Variants in PCSK5 observed in about 807,000 individuals in gnomAD.
The protein encoded by PCSK5 is prohormone convertase 5.
Under a neutral mutation model 233.2 loss-of-function variants are expected in PCSK5, and 129 were observed. The ratio of observed to expected loss-of-function variants is 0.55; its 90% CI spans 0.48 to 0.64. PCSK5 has a LOEUF of 0.64. Among genes scored for constraint, PCSK5 ranks in the 30% least tolerant of loss-of-function variants. PCSK5 has a pLI of 0.00. For synonymous variants in PCSK5, 825 were observed against 879.2 expected (o/e 0.94, Z 1.09); for missense variants, 2,076 against 2,430.1 (o/e 0.85, Z 3.06).
chr9:76,345,759 G>A (rs564096097), intron 35 of PCSK5, among the ~76,000 whole-genome samples: 5 of 151,660 alleles, frequency 3.3e-5, no homozygotes, highest in African/African-American at 4.8e-5. Flanking sequence ...TCGCTTTGTT[G>A]CCCAGGCTTG....
intron 5 of PCSK5, among the ~76,000 whole-genome samples, chr9:76,046,559 CTTTTTT>C (rs553542037): frequency 7.6e-5 from 8 of 104,820 alleles, no homozygotes; most frequent in Middle Eastern, 8.6e-3. Flanking sequence ...CTTTCTTTTT[CTTTTTT>C]TTTTTTTTTT....
At chr9:75,944,549 ACTTGTTTCT>A (rs1161897716) in intron 2 of PCSK5, among the ~76,000 whole-genome samples, 1 of 151,954 alleles carries the variant, frequency 6.6e-6, no homozygotes, top group Non-Finnish European at 1.5e-5. Flanking sequence ...GAAAAAGTTG[ACTTGTTTCT>A]TGAGAGCACT....
intron 36 of PCSK5, 33 bp from the exon 37 acceptor site, chr9:76,354,000 A>C (rs1378410825): frequency 6.5e-7 from 1 of 1,537,038 alleles, no homozygotes. Flanking sequence ...ATCCCTTTAC[A>C]CTCAAAAGGA....
intron 1 of PCSK5, among the ~76,000 whole-genome samples, chr9:75,899,103 G>A (rs1312868877): frequency 1.3e-5 from 2 of 152,144 alleles, no homozygotes; most frequent in African/African-American, 4.8e-5. Context: ...ATTCAATAGG[G>A]CTTGGTAACT....
At chr9:75,920,391 C>T (rs766753249) in intron 1 of PCSK5, among the ~76,000 whole-genome samples, 1 of 152,072 alleles carries the variant, frequency 6.6e-6, no homozygotes, top group Non-Finnish European at 1.5e-5. Context: ...TGGGCTCAAG[C>T]GATCCTCCTG....
intron 2 of PCSK5, among the ~76,000 whole-genome samples, chr9:75,962,622 G>A (rs1164864941): frequency 1.3e-5 from 2 of 152,216 alleles, no homozygotes; most frequent in African/African-American, 4.8e-5. Context: ...GAGGCAGGCT[G>A]AAGTAGACAC....
intron 24 of PCSK5, among the ~76,000 whole-genome samples, chr9:76,248,705 C>T (rs1182624646): frequency 1.3e-5 from 2 of 152,222 alleles, no homozygotes; most frequent in Non-Finnish European, 2.9e-5. Flanking sequence ...CATAACATCA[C>T]TATTATCAGT....
intron 1 of PCSK5, among the ~76,000 whole-genome samples, chr9:75,902,422 G>C (rs1219757584): frequency 6.6e-6 from 1 of 152,076 alleles, no homozygotes; most frequent in Non-Finnish European, 1.5e-5. Context: ...CAATGGAATA[G>C]GGTGGCCATA....
At chr9:75,903,558 A>G (rs13439948) in intron 1 of PCSK5, among the ~76,000 whole-genome samples, 57 of 66,058 alleles carry the variant, frequency 8.6e-4, no homozygotes, top group African/African-American at 6.2e-3. Context: ...GCATGTGTGT[A>G]TATATGTGTG....
intron 5 of PCSK5, among the ~76,000 whole-genome samples, chr9:76,063,104 A>G (rs979518594): frequency 2.6e-5 from 4 of 151,712 alleles, no homozygotes; most frequent in South Asian, 4.2e-4. Context: ...GGTTCCATCC[A>G]TGCTGAGAAT....
chr9:76,171,894 C>G (rs1249541840), intron 13 of PCSK5, among the ~76,000 whole-genome samples: 2 of 152,060 alleles, frequency 1.3e-5, no homozygotes, highest in Non-Finnish European at 2.9e-5. Context: ...GGATTAGTTA[C>G]ACCTTTAGTA....
chr9:75,994,400 C>CTTTTTTTTTTTTTTTTT (rs550518074), intron 3 of PCSK5, among the ~76,000 whole-genome samples: 32 of 82,050 alleles, frequency 3.9e-4, no homozygotes, highest in Non-Finnish European at 4.7e-4. Context: ...TTCTTTCTTT[C>CTTTTTTTTTTTTTTTTT]TTTTTTTTTT....
chr9:76,125,899 A>C (rs1322487409), intron 9 of PCSK5, among the ~76,000 whole-genome samples: 1 of 152,208 alleles, frequency 6.6e-6, no homozygotes, highest in African/African-American at 2.4e-5. Context: ...AAAATGATGC[A>C]GGACTAGCAA....
At chr9:76,168,727 T>C (rs976756339) in intron 12 of PCSK5, among the ~76,000 whole-genome samples, 2 of 152,206 alleles carry the variant, frequency 1.3e-5, no homozygotes, top group Non-Finnish European at 2.9e-5. Context: ...AAGCATAATT[T>C]ACCTACAATG....
chr9:75,914,036 G>T (rs1462918014), intron 1 of PCSK5, among the ~76,000 whole-genome samples: 3 of 152,094 alleles, frequency 2.0e-5, no homozygotes, highest in African/African-American at 4.8e-5. Context: ...TAAATGATTT[G>T]TAGTTTTCTA....
rs143708886 is a variant in PCSK5, at chr9:76,054,308, G to A, written c.633-13647G>A. Among the ~76,000 whole-genome samples, 21 of 152,278 alleles carry A rather than the reference G, an allele frequency of 1.4e-4. No individual in the cohort carries two copies. In the East Asian group the frequency reaches 4.1e-3, roughly 29 times the overall value. On this transcript the variant is annotated intron_variant, in intron 5 of 37. Coordinates refer to ENST00000674117, the MANE Select transcript of PCSK5 (RefSeq NM_001372043.1). Reference sequence around the variant, plus strand: ...CATCATTCCTTGCAACATTATATTTGAGAAGACAACCAAAGTGAGGTGAAG... The same window carrying A: ...CATCATTCCTTGCAACATTATATTTAAGAAGACAACCAAAGTGAGGTGAAG...
intron 7 of PCSK5, among the ~76,000 whole-genome samples, chr9:76,095,515 TA>T (rs1445493622): frequency 5.3e-5 from 8 of 152,020 alleles, no homozygotes; most frequent in Non-Finnish European, 7.4e-5. Context: ...AACTTCCTTT[TA>T]AAAAAAAATT....
At chr9:76,240,955 G>A (rs1826411329) in intron 24 of PCSK5, among the ~76,000 whole-genome samples, 1 of 152,230 alleles carries the variant, frequency 6.6e-6, no homozygotes, top group Non-Finnish European at 1.5e-5. Context: ...TCAATGAGTT[G>A]TTGGGGCTTA....
chr9:76,064,205 C>G (rs1447567147), intron 5 of PCSK5, among the ~76,000 whole-genome samples: 15 of 109,854 alleles, frequency 1.4e-4, no homozygotes, highest in Admixed American at 5.8e-4. Flanking sequence ...ACCTCCCTCC[C>G]GGACGGGGCG....
Sources: allele counts gnomAD v4.1 joint callset (sites outside exome capture counted in the v4.1 genomes callset), GRCh38; gene constraint gnomAD v4.1.1; transcripts MANE v1.5; gene names NCBI Gene and HGNC (gene_info 2026-07-23, HGNC 2026-07-21).